BICD2: variants seen among roughly 807,000 people sequenced by gnomAD.
BICD2 encodes the protein BICD cargo adaptor 2, also known as protein bicaudal D homolog 2.
In BICD2, 25 loss-of-function variants were observed where a neutral mutation model predicts 72.9. The observed-to-expected ratio is 0.34, with a 90% confidence interval of 0.25 to 0.48. BICD2 has a LOEUF of 0.48. Among genes scored for constraint, BICD2 ranks in the 20% least tolerant of loss-of-function variants. BICD2 has a pLI of 0.99. For missense variants in BICD2, 894 were observed against 1,175.2 expected, an observed-to-expected ratio of 0.76 and a Z score of 3.50; for synonymous variants, 501 against 516.1, an observed-to-expected ratio of 0.97 and a Z score of 0.40.
Position 92,764,596 on chromosome 9 carries a change from A to G in BICD2, c.149T>C (p.Val50Ala). The change falls in exon 1 of 7, where the codon GTG becomes GCG. Residue 50 changes from valine (V) to alanine (A), a missense_variant. Transcript: ENST00000356884. The surrounding 1 kb of genome is among the most constrained non-coding windows in gnomAD (Gnocchi z 5.5). The stretch of plus-strand genomic sequence containing the variant: ...CTTGAGCTGGTGCTTCTCCTCGAGC[A>G]CCGCCAGCCCGTACTCGGCCGCCTG... The part of the protein sequence containing the change: ...KIQAAEYGLA[V>A]LEEKHQLKLQ... 6.3e-7 allele frequency: 1 copy of G among 1,581,082 alleles called. No homozygotes were observed. The highest frequency in any genetic ancestry group is 1.8e-5 in the Admixed American group (1 of 54,980).
rs755242809 is a variant in BICD2, at chr9:92,718,856, G to A, written c.1789C>T (p.Arg597Ter). 3.1e-6 allele frequency: 5 copies of A among 1,601,428 alleles called. No individual in the cohort carries two copies. The highest frequency in any genetic ancestry group is 1.7e-5 in the Admixed American group (1 of 57,504). The change falls in exon 5 of 7, where the codon CGA becomes TGA. Residue 597 changes from arginine to a stop codon, truncating the protein, a stop_gained. Coordinates refer to ENST00000356884, the MANE Select transcript of BICD2 (RefSeq NM_001003800.2). LOFTEE classifies it high-confidence loss of function. Reference sequence around the variant, plus strand: ...CTGTCCCCCGTCCCACCATCTGCTCGGCCCGCCTCAGGAGCCAGCAGCCCC... The same window carrying A: ...CTGTCCCCCGTCCCACCATCTGCTCAGCCCGCCTCAGGAGCCAGCAGCCCC... ...PKGLLAPEAG[R>*]ADGGTGDSSP...
At chr9:92,731,020 G>T (rs1013393769) in intron 1 of BICD2, among the ~76,000 whole-genome samples, 1 of 152,172 alleles carries the variant, frequency 6.6e-6, no homozygotes, top group Non-Finnish European at 1.5e-5. Flanking sequence ...CAGCCACCCC[G>T]GGCCACAAGA....
chr9:92,751,599 A>C (rs1177074151), intron 1 of BICD2, among the ~76,000 whole-genome samples: 1 of 152,188 alleles, frequency 6.6e-6, no homozygotes, highest in African/African-American at 2.4e-5. Flanking sequence ...GAATGAAACA[A>C]TTAAGTTACT....
intron 1 of BICD2, among the ~76,000 whole-genome samples, chr9:92,755,905 C>T (rs1230804306): frequency 1.3e-5 from 2 of 152,226 alleles, no homozygotes; most frequent in East Asian, 1.9e-4. Flanking sequence ...CCTCCAAGGG[C>T]GTCAGGAATG....
chr9:92,741,425 A>C (rs2131521948), intron 1 of BICD2, among the ~76,000 whole-genome samples: 1 of 152,384 alleles, frequency 6.6e-6, no homozygotes, highest in South Asian at 2.1e-4. Flanking sequence ...CAAGTAAGTA[A>C]ACCATATAGA....
intron 1 of BICD2, among the ~76,000 whole-genome samples, chr9:92,742,593 C>T: frequency 1.3e-5 from 2 of 152,050 alleles, no homozygotes; most frequent in East Asian, 3.9e-4. Context: ...ACCATGTTGG[C>T]CAGGATGGTC....
At position 92,712,379 on chromosome 9, in the gene BICD2, T is replaced by G. The variant is rs1853211086; in HGVS notation, c.*2775A>C. On this transcript the variant is annotated 3_prime_UTR_variant, in exon 7 of 7. Coordinates refer to ENST00000356884, the MANE Select transcript of BICD2 (RefSeq NM_001003800.2). ...GGCCTTCAGCATGCCCACTAGCTCT[T>G]CCCTGCTCGCTTTTGAGAATGATCT... is the stretch of plus-strand genomic sequence containing the variant. 1 of 152,756 alleles carries G rather than the reference T, an allele frequency of 6.5e-6. No homozygotes were observed. Among genetic ancestry groups the G allele is most frequent in the South Asian group, 2.1e-4 (1 of 4,820 alleles). The allele number at this position is 152,756 out of a possible 1,614,324, so 9.5% of individuals were successfully genotyped here. A position where few individuals can be genotyped will look rare whatever the true frequency, so the allele number is the denominator to read the frequency against.
intron 1 of BICD2, among the ~76,000 whole-genome samples, chr9:92,731,125 C>A (rs1853671782): frequency 6.6e-6 from 1 of 152,240 alleles, no homozygotes; most frequent in South Asian, 2.1e-4. Flanking sequence ...GGCCCGCCGG[C>A]TGCAGGCGGC....
rs1404277911 is a variant in BICD2, at chr9:92,749,202, G to A, written c.240+15303C>T. ...AAGAGGGTGGGGCCTCCTGGGAACT[G>A]GGGTCCAGGCCAGGAGGCAGCGCCC... On this transcript the variant is annotated intron_variant, in intron 1 of 6. Coordinates refer to ENST00000356884, the MANE Select transcript of BICD2 (RefSeq NM_001003800.2). Among the ~76,000 whole-genome samples, 6 of 152,108 alleles carry A rather than the reference G, an allele frequency of 3.9e-5. No homozygotes were observed. The East Asian group carries it at 7.7e-4, about 20-fold the overall frequency.
At position 92,712,079 on chromosome 9, in the gene BICD2, C is replaced by A. The variant is rs1227225886; in HGVS notation, c.*3075G>T. ...GAATACTATGGCTAACCCTCATCCC[C>A]TACTGCGCATGCCAACACAGCGTCG... is the stretch of plus-strand genomic sequence containing the variant. On this transcript the variant is annotated 3_prime_UTR_variant, in exon 7 of 7. Coordinates refer to ENST00000356884, the MANE Select transcript of BICD2 (RefSeq NM_001003800.2). The A allele has an allele frequency of 6.6e-6, 1 of 152,658 alleles. No homozygotes were observed. The highest frequency in any genetic ancestry group is 1.5e-5 in the Non-Finnish European group (1 of 68,048). The allele number at this position is 152,658 out of a possible 1,614,324, so 9.5% of individuals were successfully genotyped here. A position where few individuals can be genotyped will look rare whatever the true frequency, so the allele number is the denominator to read the frequency against.
In BICD2 at chr9:92,754,173, T is replaced by C. The variant is rs1342462799; in HGVS notation, c.240+10332A>G. ...AAAAAAAAAAAAGACACATAAGTGC[T>C]ACAATACACATGACACTTTATCTTA... is the stretch of plus-strand genomic sequence containing the variant. On this transcript the variant is annotated intron_variant, in intron 1 of 6. Coordinates refer to ENST00000356884, the MANE Select transcript of BICD2 (RefSeq NM_001003800.2). Among the ~76,000 whole-genome samples, 2 of 150,314 alleles carry C rather than the reference T, an allele frequency of 1.3e-5. 1 individual carries two copies. Among genetic ancestry groups the C allele is most frequent in the East Asian group, 3.9e-4 (2 of 5,134 alleles).
intron 2 of BICD2, among the ~76,000 whole-genome samples, chr9:92,725,968 C>T (rs188131518): frequency 2.4e-3 from 361 of 152,338 alleles, no homozygotes; most frequent in Non-Finnish European, 3.1e-3. Flanking sequence ...GCCACATCCC[C>T]ACCAAGGCCC....
At chr9:92,762,811 C>T (rs1192835120) in intron 1 of BICD2, among the ~76,000 whole-genome samples, 1 of 152,162 alleles carries the variant, frequency 6.6e-6, no homozygotes, top group African/African-American at 2.4e-5. Context: ...GAGCGGCTCA[C>T]GATGCACTTG....
rs748660498 is a variant in BICD2 at position 92,719,355 on chromosome 9, G to A, written c.1290C>T (p.Asn430=). The change falls in exon 5 of 7, where the codon AAC becomes AAT. Residue 430 remains asparagine (N), a synonymous_variant. Coordinates refer to ENST00000356884, the MANE Select transcript of BICD2 (RefSeq NM_001003800.2). ...ACTTGCAGGCCAAGATCTCAGGCCC[G>A]TTGATGTCCACCTCGTAGTAGTCCC... The part of the protein sequence containing the change: ...EDGDYYEVDI[N]GPEILACKYH... 4.1e-5 allele frequency: 66 copies of A among 1,614,200 alleles called. No homozygotes were observed. The South Asian group carries it at 5.2e-4, about 13-fold the overall frequency.
Position 92,718,892 on chromosome 9 carries a change from G to T in BICD2, c.1753C>A (p.Leu585Ile). 1.3e-6 allele frequency: 2 copies of T among 1,599,966 alleles called. No individual in the cohort carries two copies. The highest frequency in any genetic ancestry group is 2.7e-5 in the African/African-American group (2 of 74,826). The change falls in exon 5 of 7, where the codon CTC becomes ATC. Residue 585 changes from leucine (L) to isoleucine (I), a missense_variant. Leu to Ile is a conservative substitution (Grantham distance 5, BLOSUM62 2). This residue lies in a region of BICD2 where 321 missense variants were observed against 443.9 expected (regional missense o/e 0.72). Transcript: ENST00000356884. ...GGAGCCAGCAGCCCCTTGGGTAGGA[G>T]GATGGGTGAGCGCCGGCCACGCGCC... The part of the protein sequence containing the change: ...PEARGRRSPI[L>I]LPKGLLAPEA...
At chr9:92,755,599 T>C (rs940430054) in intron 1 of BICD2, among the ~76,000 whole-genome samples, 1 of 152,208 alleles carries the variant, frequency 6.6e-6, no homozygotes, top group African/African-American at 2.4e-5. Context: ...TGGCCGACAC[T>C]TAAGGAAAAT....
At chr9:92,758,706 T>C (rs1290430442) in intron 1 of BICD2, among the ~76,000 whole-genome samples, 1 of 151,426 alleles carries the variant, frequency 6.6e-6, no homozygotes, top group African/African-American at 2.4e-5. Flanking sequence ...CAAAAAAAAT[T>C]AGCCGGGCAT....
intron 1 of BICD2, among the ~76,000 whole-genome samples, chr9:92,754,001 C>T (rs543894192): frequency 5.3e-5 from 8 of 151,610 alleles, no homozygotes; most frequent in East Asian, 4.0e-4. Context: ...AAAAATTAGC[C>T]GGGCATGGTG....
At chr9:92,730,909 G>A (rs1853667409) in intron 1 of BICD2, among the ~76,000 whole-genome samples, 1 of 152,190 alleles carries the variant, frequency 6.6e-6, no homozygotes, top group South Asian at 2.1e-4. Context: ...TTTCTTCAAG[G>A]CAATCGGGTC....
Sources: gnomAD v4.1 joint callset for allele counts (sites outside exome capture counted in the v4.1 genomes callset) on GRCh38, gnomAD v4.1.1 for gene constraint, gnomAD v4.1.1 regional missense constraint, Gnocchi (gnomAD v3.1) non-coding constraint, MANE v1.5 for transcripts, NCBI Gene and HGNC (gene_info 2026-07-23, HGNC 2026-07-21) for gene names.